The following PRKAR2B variants were observed in gnomAD, a reference collection of about 807,000 sequenced individuals.
PRKAR2B encodes cAMP-dependent protein kinase type II-beta regulatory subunit.
A neutral mutation model predicts 49.9 loss-of-function variants in PRKAR2B; 14 were observed. That is an observed-to-expected ratio of 0.28 (90% CI 0.19 to 0.44). PRKAR2B has a LOEUF of 0.44. PRKAR2B is among the 20% of genes least tolerant of loss of function. PRKAR2B has a pLI of 1.00. For synonymous variants in PRKAR2B, 196 were observed against 197.7 expected, an observed-to-expected ratio of 0.99 and a Z score of 0.07; for missense variants, 393 against 537.9, an observed-to-expected ratio of 0.73 and a Z score of 2.67.
chr7:107,108,823 G>T (rs1795121974), intron 2 of PRKAR2B, among the ~76,000 whole-genome samples: 1 of 152,146 alleles, frequency 6.6e-6, no homozygotes, highest in African/African-American at 2.4e-5. Flanking sequence ...CTTCATGGTT[G>T]CCAGGCTGAT....
At chr7:107,105,884 T>A (rs1254484663) in intron 2 of PRKAR2B, among the ~76,000 whole-genome samples, 1 of 152,174 alleles carries the variant, frequency 6.6e-6, no homozygotes, top group Non-Finnish European at 1.5e-5. Context: ...TGAACGATTG[T>A]ACTTTTTGGC....
At chr7:107,110,408 AC>A (rs1407580294) in intron 2 of PRKAR2B, among the ~76,000 whole-genome samples, 1 of 152,064 alleles carries the variant, frequency 6.6e-6, no homozygotes, top group Non-Finnish European at 1.5e-5. Context: ...CTGGAGAGGC[AC>A]GCGAGTTACT....
chr7:107,132,091 A>T (rs1286444334), intron 4 of PRKAR2B, among the ~76,000 whole-genome samples: 2 of 152,220 alleles, frequency 1.3e-5, no homozygotes, highest in South Asian at 2.1e-4. Context: ...TGGTGAGAAG[A>T]TGTCTGTCTC....
intron 2 of PRKAR2B, among the ~76,000 whole-genome samples, chr7:107,101,221 T>C (rs957326344): frequency 6.6e-6 from 1 of 151,158 alleles, no homozygotes; most frequent in Non-Finnish European, 1.5e-5. Context: ...CTAATGTTTC[T>C]GCTTTTCGTT....
intron 4 of PRKAR2B, among the ~76,000 whole-genome samples, chr7:107,140,307 G>A (rs1447047586): frequency 6.6e-6 from 1 of 152,154 alleles, no homozygotes; most frequent in East Asian, 1.9e-4. Flanking sequence ...AATAGTGACA[G>A]AATATTTGCC....
At position 107,121,977 on chromosome 7, in the gene PRKAR2B, TGAA is replaced by T; in HGVS notation, c.378_380del (p.Glu126del). 2 of 1,598,870 alleles carry T rather than the reference TGAA, an allele frequency of 1.3e-6. No individual in the cohort carries two copies. Among genetic ancestry groups the T allele is most frequent in the Non-Finnish European group, 1.7e-6 (2 of 1,169,418 alleles). On this transcript the variant is annotated inframe_deletion, in exon 3 of 11. Transcript: ENST00000265717. ...TATGTGCAGAAGCTTATAATCCTGA[TGAA>T]GAAGAAGATGATGCAGAGTCCAGGG...
Position 107,153,261 on chromosome 7 carries a change from T to C in PRKAR2B, c.918+10T>C. 6.3e-7 allele frequency: 1 copy of C among 1,587,550 alleles called. No homozygotes were observed. Among genetic ancestry groups the C allele is most frequent in the Non-Finnish European group, 8.6e-7 (1 of 1,164,338 alleles). ...ACAAATCATTGCTCAGGTATGATAT[T>C]TTGAAATGTAATTCAGTTTAGGGTT... On this transcript the variant is annotated intron_variant, in intron 8 of 10. Transcript: ENST00000265717.
At chr7:107,089,848 G>C (rs1182278502) in intron 2 of PRKAR2B, among the ~76,000 whole-genome samples, 1 of 152,176 alleles carries the variant, frequency 6.6e-6, no homozygotes, top group African/African-American at 2.4e-5. Flanking sequence ...ACTCCTTTCA[G>C]AACCACACAT....
chr7:107,142,766 T>A (rs1372273978), intron 5 of PRKAR2B, among the ~76,000 whole-genome samples: 1 of 151,960 alleles, frequency 6.6e-6, no homozygotes, highest in Non-Finnish European at 1.5e-5. Flanking sequence ...CAAGATTTTT[T>A]GTTTGTTTTT....
Position 107,110,591 on chromosome 7 carries a change from G to A in PRKAR2B, c.344-11361G>A, listed in dbSNP as rs995221113. 2.6e-5 allele frequency among the ~76,000 whole-genome samples: 4 copies of A among 151,566 alleles called. No individual in the cohort carries two copies. In the East Asian group the frequency reaches 7.9e-4, roughly 30 times the overall value. ...GCCAGCTCAGCCACAGTAGGGTAGGGTGGTACCCGTTAGAGCCACGAGGCC... is the reference window on the plus strand; with the variant it reads ...GCCAGCTCAGCCACAGTAGGGTAGGATGGTACCCGTTAGAGCCACGAGGCC... On this transcript the variant is annotated intron_variant, in intron 2 of 10. Transcript: ENST00000265717.
chr7:107,095,279 G>A (rs1477770080), intron 2 of PRKAR2B, among the ~76,000 whole-genome samples: 3 of 152,154 alleles, frequency 2.0e-5, no homozygotes, highest in Non-Finnish European at 4.4e-5. Context: ...TTGTGAATGG[G>A]AGTTCACTCA....
chr7:107,086,688 C>T (rs1009249581), intron 2 of PRKAR2B, among the ~76,000 whole-genome samples: 2 of 152,074 alleles, frequency 1.3e-5, no homozygotes, highest in Non-Finnish European at 2.9e-5. Flanking sequence ...TCTTGAACTC[C>T]TGGGGCTCAA....
At chr7:107,103,699 T>C (rs1158736077) in intron 2 of PRKAR2B, among the ~76,000 whole-genome samples, 1 of 152,250 alleles carries the variant, frequency 6.6e-6, no homozygotes, top group Admixed American at 6.5e-5. Flanking sequence ...TACTGGCTTT[T>C]TCTATCGGTA....
At chr7:107,070,463 T>A (rs757144227) in intron 2 of PRKAR2B, 147 bp downstream of exon 2, 27 of 689,574 alleles carry the variant, frequency 3.9e-5, no homozygotes, top group Non-Finnish European at 5.3e-5. Flanking sequence ...CTATCTGATA[T>A]AATCACTATC....
chr7:107,056,197 C>T (rs1265486253), intron 1 of PRKAR2B, among the ~76,000 whole-genome samples: 1 of 152,180 alleles, frequency 6.6e-6, no homozygotes, highest in South Asian at 2.1e-4. Flanking sequence ...GTACCAGTAC[C>T]ATGCTGTTTT....
intron 5 of PRKAR2B, among the ~76,000 whole-genome samples, chr7:107,144,171 G>A (rs959176914): frequency 1.7e-4 from 26 of 151,662 alleles, no homozygotes; most frequent in South Asian, 4.2e-4. Context: ...TGCACCCACT[G>A]TCCTCCTGGG....
intron 4 of PRKAR2B, among the ~76,000 whole-genome samples, chr7:107,133,193 A>G (rs1038243265): frequency 1.3e-5 from 2 of 152,210 alleles, no homozygotes; most frequent in Non-Finnish European, 1.5e-5. Flanking sequence ...CACTCTGTGC[A>G]TAATTATGGG....
intron 2 of PRKAR2B, among the ~76,000 whole-genome samples, chr7:107,094,720 G>A (rs1293440395): frequency 2.0e-5 from 3 of 152,116 alleles, no homozygotes; most frequent in Non-Finnish European, 4.4e-5. Context: ...TCAGCTTTCT[G>A]CATATGGCTA....
At chr7:107,116,981 A>G (rs1361290532) in intron 2 of PRKAR2B, among the ~76,000 whole-genome samples, 5 of 150,748 alleles carry the variant, frequency 3.3e-5, no homozygotes, top group African/African-American at 9.8e-5. Context: ...GTGTATATAT[A>G]TAATTGTTAT....
Sources: gnomAD v4.1 joint callset for allele counts (sites outside exome capture counted in the v4.1 genomes callset) on GRCh38, gnomAD v4.1.1 for gene constraint, MANE v1.5 for transcripts, NCBI Gene and HGNC (gene_info 2026-07-23, HGNC 2026-07-21) for gene names.